Variants in PHF24 observed in about 807,000 individuals in gnomAD.
PHF24 encodes the protein PHD finger protein 24, also known as Galpha inhibitory interacting protein.
In PHF24, 25 loss-of-function variants were observed where a neutral mutation model predicts 42.6. The ratio of observed to expected loss-of-function variants is 0.59; its 90% CI spans 0.43 to 0.82. The LOEUF is 0.82. Among genes scored for constraint, PHF24 ranks in the 40% least tolerant of loss-of-function variants. PHF24 has a pLI of 0.00. For missense variants in PHF24, 470 were observed against 538.1 expected (o/e 0.87, Z 1.25); for synonymous variants, 185 against 204.8 (o/e 0.90, Z 0.83).
At chr9:34,950,209 AT>A in the PHF24 span, among the ~76,000 whole-genome samples, 1 of 151,922 alleles carries the variant, frequency 6.6e-6, no homozygotes, top group Non-Finnish European at 1.5e-5. Context: ...TTAGCTGGGC[AT>A]GGGGGTGCAC....
the PHF24 span, among the ~76,000 whole-genome samples, chr9:34,679,299 C>T: frequency 6.6e-6 from 1 of 152,228 alleles, no homozygotes; most frequent in Non-Finnish European, 1.5e-5. Context: ...AGCATGCTTG[C>T]TTCTGGGTCA....
the PHF24 span, among the ~76,000 whole-genome samples, chr9:34,823,867 C>A: frequency 1.3e-5 from 2 of 152,170 alleles, no homozygotes; most frequent in East Asian, 3.9e-4. Context: ...ATCTAACACT[C>A]TATCACCAGA....
the PHF24 span, among the ~76,000 whole-genome samples, chr9:34,711,538 G>A: frequency 7.2e-6 from 1 of 139,504 alleles, no homozygotes; most frequent in Non-Finnish European, 1.5e-5. Flanking sequence ...TGGCAATGTT[G>A]TTACTTTTTT....
chr9:34,691,369 G>GC, the PHF24 span: 9 of 503,286 alleles, frequency 1.8e-5, no homozygotes, highest in African/African-American at 9.8e-5. Context: ...TTCCCCTGTT[G>GC]CCCCCCTCTT....
the PHF24 span, among the ~76,000 whole-genome samples, chr9:34,947,844 C>A: frequency 6.6e-6 from 1 of 152,006 alleles, no homozygotes; most frequent in African/African-American, 2.4e-5. Flanking sequence ...CGCGGTGGCT[C>A]ACACCTGTAA....
At chr9:34,679,322 C>T in the PHF24 span, among the ~76,000 whole-genome samples, 1 of 152,228 alleles carries the variant, frequency 6.6e-6, no homozygotes, top group East Asian at 1.9e-4. Flanking sequence ...GTCACCTTTC[C>T]CTTAGTCTGC....
the PHF24 span, among the ~76,000 whole-genome samples, chr9:34,861,654 G>A: frequency 6.6e-6 from 1 of 152,086 alleles, no homozygotes; most frequent in Non-Finnish European, 1.5e-5. Context: ...AATAAAATAA[G>A]AATTAATTAG....
At chr9:34,727,090 C>T in the PHF24 span, 2 of 1,462,326 alleles carry the variant, frequency 1.4e-6, no homozygotes, top group Non-Finnish European at 1.8e-6. Context: ...CCTGAAAACC[C>T]TGGGGCCTAT....
chr9:34,976,851 C>A, intron 5 of PHF24, 111 bp downstream of exon 5: 2 of 1,002,464 alleles, frequency 2.0e-6, no homozygotes, highest in Non-Finnish European at 2.9e-6. Context: ...GGACAAGTAT[C>A]AGGAATGGGC....
intron 1 of PHF24, among the ~76,000 whole-genome samples, chr9:34,968,006 ATTTGT>A (rs1826838986): frequency 6.6e-6 from 1 of 152,192 alleles, no homozygotes; most frequent in South Asian, 2.1e-4. Flanking sequence ...CAACCCTAGG[ATTTGT>A]TTTATTATCT....
chr9:34,951,544 C>T, the PHF24 span, among the ~76,000 whole-genome samples: 1 of 152,132 alleles, frequency 6.6e-6, no homozygotes, highest in Non-Finnish European at 1.5e-5. Context: ...GGCCACAAGC[C>T]AAATAATACA....
the PHF24 span, chr9:34,835,889 A>G: frequency 3.1e-6 from 3 of 968,848 alleles, no homozygotes; most frequent in Non-Finnish European, 4.9e-6. Flanking sequence ...ATCTCTAGGC[A>G]AGAGGAGACC....
At chr9:34,927,094 G>A in the PHF24 span, among the ~76,000 whole-genome samples, 1 of 152,168 alleles carries the variant, frequency 6.6e-6, no homozygotes, top group African/African-American at 2.4e-5. Context: ...GAGGCTCAGG[G>A]GCCTCTCTCT....
chr9:34,850,994 G>A, the PHF24 span, among the ~76,000 whole-genome samples: 2 of 152,194 alleles, frequency 1.3e-5, no homozygotes, highest in Non-Finnish European at 2.9e-5. Flanking sequence ...CATGTGAGGT[G>A]TCAGTCTGCC....
the PHF24 span, among the ~76,000 whole-genome samples, chr9:34,893,921 C>A: frequency 1.3e-5 from 2 of 152,176 alleles, no homozygotes; most frequent in African/African-American, 2.4e-5. Flanking sequence ...TATTTGGTAT[C>A]CCTGCTGATA....
At chr9:34,922,219 C>T in the PHF24 span, 2 of 1,591,734 alleles carry the variant, frequency 1.3e-6, no homozygotes, top group Non-Finnish European at 1.7e-6. Context: ...TCAGCTTTGT[C>T]TCCTCGGGTA....
intron 3 of PHF24, among the ~76,000 whole-genome samples, chr9:34,972,913 G>GAAA (rs141298768): frequency 1.3e-4 from 10 of 78,714 alleles, no homozygotes; most frequent in African/African-American, 1.7e-4. Context: ...ACTCTGTCTC[G>GAAA]AAAAAAAAAA....
chr9:34,690,322 T>G, the PHF24 span: 1 of 1,613,846 alleles, frequency 6.2e-7, no homozygotes. Flanking sequence ...TCAGCATCAT[T>G]GGTGCCACTC....
chr9:34,789,572 C>T, the PHF24 span, among the ~76,000 whole-genome samples: 5 of 152,094 alleles, frequency 3.3e-5, no homozygotes, highest in Non-Finnish European at 7.4e-5. Flanking sequence ...TTGGTCTTCA[C>T]ACTGGAGGAA....
Sources: gnomAD v4.1 joint callset for allele counts (sites outside exome capture counted in the v4.1 genomes callset) on GRCh38, gnomAD v4.1.1 for gene constraint, MANE v1.5 for transcripts, NCBI Gene and HGNC (gene_info 2026-07-23, HGNC 2026-07-21) for gene names.